The following DPYSL4 variants were observed in gnomAD, a reference collection of about 807,000 sequenced individuals.
The protein encoded by DPYSL4 is dihydropyrimidinase-related protein 4.
A neutral mutation model predicts 63.4 loss-of-function variants in DPYSL4; 43 were observed. The observed-to-expected ratio is 0.68, with a 90% confidence interval of 0.53 to 0.88. DPYSL4 has a LOEUF of 0.88. Ranked by LOEUF, DPYSL4 falls within the 40% of genes least tolerant of loss-of-function variation. DPYSL4 has a pLI of 0.00. For synonymous variants in DPYSL4, 353 were observed against 331.7 expected (o/e 1.06, Z -0.70); for missense variants, 733 against 819.5 (o/e 0.89, Z 1.29).
chr10:132,204,995 T>C lies in DPYSL4; in HGVS notation c.*65T>C. 2 of 1,302,062 alleles carry C rather than the reference T, an allele frequency of 1.5e-6. No individual in the cohort carries two copies. The highest frequency in any genetic ancestry group is 2.1e-6 in the Non-Finnish European group (2 of 938,734). 80.7% of individuals were successfully genotyped at this position (1,302,062 alleles called of 1,614,324 possible). ...CGAGGCCGCGGGGGCCCCAGGGCAC[T>C]CGCCCCCCTCCTTAGCATTTTCTTT... On this transcript the variant is annotated 3_prime_UTR_variant, in exon 14 of 14. Coordinates refer to ENST00000338492, the MANE Select transcript of DPYSL4 (RefSeq NM_006426.3).
intron 12 of DPYSL4, among the ~76,000 whole-genome samples, chr10:132,203,356 C>T (rs1171020777): frequency 6.6e-6 from 1 of 152,144 alleles, no homozygotes; most frequent in African/African-American, 2.4e-5. Context: ...TCTGACGGTG[C>T]AGCAGGTGTG....
chr10:132,197,729 C>T (rs942952123), intron 6 of DPYSL4, among the ~76,000 whole-genome samples: 1 of 152,220 alleles, frequency 6.6e-6, no homozygotes, highest in Non-Finnish European at 1.5e-5. Context: ...TGGGACGGGA[C>T]GGGCTCTGCC....
In DPYSL4 at chr10:132,201,960, G is replaced by A. The variant is rs774419656; in HGVS notation, c.1125G>A (p.Met375Ile). Residue 375 changes from methionine (M) to isoleucine (I), a missense_variant, in exon 11 of 14, where the codon ATG (methionine) becomes ATA (isoleucine). Physicochemically the swap from Met to Ile is conservative, Grantham distance 10. Transcript: ENST00000338492. ...TTGTTCCCCAGGCCTCTGGGAAGATGGACGAGAATGAGTTCGTCGCGGTGA... is the reference window on the plus strand; with the variant it reads ...TTGTTCCCCAGGCCTCTGGGAAGATAGACGAGAATGAGTTCGTCGCGGTGA... ...VWEKCVASGK[M>I]DENEFVAVTS... The A allele has an allele frequency of 6.8e-6, 11 of 1,612,608 alleles. No homozygotes were observed. The highest frequency in any genetic ancestry group is 9.3e-6 in the Non-Finnish European group (11 of 1,179,610).
intron 12 of DPYSL4, among the ~76,000 whole-genome samples, chr10:132,203,303 T>C (rs777763329): frequency 2.6e-5 from 4 of 151,876 alleles, no homozygotes; most frequent in Non-Finnish European, 5.9e-5. Context: ...GGCCTTCCAG[T>C]CTCTTACTGT....
intron 8 of DPYSL4, among the ~76,000 whole-genome samples, chr10:132,200,139 C>T (rs1166489231): frequency 6.6e-6 from 1 of 152,206 alleles, no homozygotes; most frequent in East Asian, 1.9e-4. Flanking sequence ...GCAGGCCAGA[C>T]TCCCTTTCCC....
chr10:132,198,625 C>T, intron 7 of DPYSL4, 142 bp downstream of exon 7: 1 of 1,063,580 alleles, frequency 9.4e-7, no homozygotes, highest in Non-Finnish European at 1.3e-6. Context: ...TGAATCCTCC[C>T]CGTGCCAGGC....
At chr10:132,199,552 G>A (rs1266624273) in intron 8 of DPYSL4, among the ~76,000 whole-genome samples, 1 of 152,082 alleles carries the variant, frequency 6.6e-6, no homozygotes, top group Non-Finnish European at 1.5e-5. Context: ...CCAGGTGACG[G>A]GTAAATGAGG....
At chr10:132,204,276 C>T (rs563609990) in intron 13 of DPYSL4, among the ~76,000 whole-genome samples, 1 of 152,148 alleles carries the variant, frequency 6.6e-6, no homozygotes, top group Non-Finnish European at 1.5e-5. Context: ...GAATCCAGGT[C>T]CCCACCCAGC....
Position 132,190,887 on chromosome 10 carries a change from G to C in DPYSL4, c.128+52G>C, listed in dbSNP as rs749255303. On this transcript the variant is annotated intron_variant, in intron 2 of 13. Transcript: ENST00000338492. ...CGTTCCCAGCTCGTGTGTACACGCT[G>C]GTCACGTGGTATCCAGGCAGTTGAA... 1.3e-5 allele frequency: 21 copies of C among 1,561,514 alleles called. No individual in the cohort carries two copies. In the Admixed American group the frequency reaches 1.4e-4, roughly 10 times the overall value.
chr10:132,205,390 C>G lies in DPYSL4; in HGVS notation c.*460C>G, dbSNP rs1361899056. 1.3e-5 allele frequency: 2 copies of G among 155,982 alleles called. No homozygotes were observed. The highest frequency in any genetic ancestry group is 3.8e-4 in the East Asian group (2 of 5,294). 9.7% of individuals were successfully genotyped at this position (155,982 alleles called of 1,614,324 possible). ...GCCCTACACTCCCGCAGCCGCTCCT[C>G]AGAGGCCTGTGCCCATCGCAGGCCT... On this transcript the variant is annotated 3_prime_UTR_variant, in exon 14 of 14. Coordinates refer to ENST00000338492, the MANE Select transcript of DPYSL4 (RefSeq NM_006426.3).
chr10:132,197,132 G>A (rs2061956638), intron 6 of DPYSL4, 31 bp downstream of exon 6: 1 of 1,463,152 alleles, frequency 6.8e-7, no homozygotes, highest in Non-Finnish European at 9.1e-7. Flanking sequence ...CGTGGGGCAG[G>A]CACAGGGGCT....
chr10:132,200,595 TC>T lies in DPYSL4; in HGVS notation c.968+86del, dbSNP rs1200910318. 6.5e-6 allele frequency: 10 copies of T among 1,535,438 alleles called. No individual in the cohort carries two copies. The African/African-American group carries it at 1.4e-4, about 21-fold the overall frequency. ...CTGTGGCCCCGACACCCCAGGCCTC[TC>T]CCACGGCTCCCATAGGGCAGCCCGG... On this transcript the variant is annotated intron_variant, in intron 9 of 13. Transcript: ENST00000338492.
chr10:132,204,079 G>GA, intron 13 of DPYSL4, 152 bp downstream of exon 13: 1 of 1,064,544 alleles, frequency 9.4e-7, no homozygotes, highest in Non-Finnish European at 1.3e-6. Flanking sequence ...GGGGTGTTGT[G>GA]GGGGCCAAGG....
rs1036801435 is a variant in DPYSL4, at chr10:132,199,087, TG to T, written c.811+117del. 45 of 1,413,586 alleles carry T rather than the reference TG, an allele frequency of 3.2e-5. No individual in the cohort carries two copies. The African/African-American group carries it at 4.7e-4, about 15-fold the overall frequency. 87.6% of individuals were successfully genotyped at this position (1,413,586 alleles called of 1,614,324 possible). ...TGCATCGGGGCGGGGCACTGGACCCTGAGTCCCTGCATCGGGGTGGGGCACT... is the reference window on the plus strand; with the variant it reads ...TGCATCGGGGCGGGGCACTGGACCCTAGTCCCTGCATCGGGGTGGGGCACT... On this transcript the variant is annotated intron_variant, in intron 8 of 13. Transcript: ENST00000338492.
chr10:132,197,228 A>AT lies in DPYSL4; in HGVS notation c.621+127_621+128insT, dbSNP rs1327418522. ...CGCAGACATCAGCACAGAATCCCAC[A>AT]AAACCTTGAGGGAGGGTCATAGCTT... On this transcript the variant is annotated intron_variant, in intron 6 of 13. Coordinates refer to ENST00000338492, the MANE Select transcript of DPYSL4 (RefSeq NM_006426.3). 12 of 855,354 alleles carry AT rather than the reference A, an allele frequency of 1.4e-5. No individual in the cohort carries two copies. The South Asian group carries it at 2.2e-4, about 15-fold the overall frequency. 53.0% of individuals were successfully genotyped at this position (855,354 alleles called of 1,614,324 possible). A position where few individuals can be genotyped will look rare whatever the true frequency, so the allele number is the denominator to read the frequency against.
chr10:132,204,019 G>A (rs1258171217), intron 13 of DPYSL4, 92 bp downstream of exon 13: 2 of 1,476,350 alleles, frequency 1.4e-6, no homozygotes, highest in East Asian at 2.3e-5. Context: ...GCCCAGAGGG[G>A]CTGCACACGG....
At position 132,200,910 on chromosome 10, in the gene DPYSL4, A is replaced by C; in HGVS notation, c.1037A>C (p.Asp346Ala). 6.2e-7 allele frequency: 1 copy of C among 1,613,256 alleles called. No homozygotes were observed. The highest frequency in any genetic ancestry group is 8.5e-7 in the Non-Finnish European group (1 of 1,179,962). Reference sequence around the variant, plus strand: ...ACTGCCCAGAAGGCTGTGGGCAAGGACAACTTCGCGCTGATCCCCGAGGGC... The same window carrying C: ...ACTGCCCAGAAGGCTGTGGGCAAGGCCAACTTCGCGCTGATCCCCGAGGGC... ...FTTAQKAVGK[D>A]NFALIPEGTN... Residue 346 changes from aspartate (D) to alanine (A), a missense_variant, in exon 10 of 14, where the codon GAC (aspartate) becomes GCC (alanine). Transcript: ENST00000338492.
chr10:132,200,675 G>A (rs930493223), intron 9 of DPYSL4, among the ~76,000 whole-genome samples, 163 bp downstream of exon 9: 6 of 152,128 alleles, frequency 3.9e-5, no homozygotes, highest in Non-Finnish European at 8.8e-5. Flanking sequence ...GGCTCCCCTG[G>A]CAGGAACCAG....
At position 132,190,836 on chromosome 10, in the gene DPYSL4, G is replaced by GT. The variant is rs756810988; in HGVS notation, c.128+2dup. ...TGCACGTGGAAGATGGCTTGATAAA[G>GT]TAAGTTTCCGCCGAAAATGAAAATA... is the stretch of plus-strand genomic sequence containing the variant. On this transcript the variant is annotated splice_donor_variant, in intron 2 of 13. Transcript: ENST00000338492. LOFTEE classifies it high-confidence loss of function. The GT allele has an allele frequency of 2.5e-6, 4 of 1,612,374 alleles. No homozygotes were observed. In the East Asian group the frequency reaches 8.9e-5, roughly 36 times the overall value.
Sources: allele counts gnomAD v4.1 joint callset (sites outside exome capture counted in the v4.1 genomes callset), GRCh38; gene constraint gnomAD v4.1.1; transcripts MANE v1.5; gene names NCBI Gene and HGNC (gene_info 2026-07-23, HGNC 2026-07-21).